The following SPATA17 variants were observed in gnomAD, a reference collection of about 807,000 sequenced individuals.
SPATA17 encodes the protein spermatogenesis associated 17.
Under a neutral mutation model 62.2 loss-of-function variants are expected in SPATA17, and 53 were observed. The ratio of observed to expected loss-of-function variants is 0.85; its 90% CI spans 0.68 to 1.07. SPATA17 has a LOEUF of 1.07. Among genes scored for constraint, SPATA17 ranks in the 50% least tolerant of loss-of-function variants. The probability of loss-of-function intolerance (pLI) is 0.00; values close to 1 mark genes in which losing one functional copy is unlikely to be tolerated. For synonymous variants in SPATA17, 146 were observed against 146.8 expected, an observed-to-expected ratio of 0.99 and a Z score of 0.04; for missense variants, 466 against 425.5, an observed-to-expected ratio of 1.10 and a Z score of -0.84.
chr1:217,772,897 A>G (rs1215209046), intron 6 of SPATA17, among the ~76,000 whole-genome samples: 1 of 152,198 alleles, frequency 6.6e-6, no homozygotes, highest in Non-Finnish European at 1.5e-5. Flanking sequence ...AGCATTTGGT[A>G]TAGGACACTG....
chr1:217,714,434 G>A (rs1571751986), intron 5 of SPATA17, among the ~76,000 whole-genome samples: 1 of 150,500 alleles, frequency 6.6e-6, no homozygotes, highest in Non-Finnish European at 1.5e-5. Flanking sequence ...TTTCTGAAAA[G>A]GAAAAAATTC....
At chr1:217,683,063 TA>T (rs200395526) in intron 4 of SPATA17, among the ~76,000 whole-genome samples, 194 bp from the exon 5 acceptor site, 6,696 of 150,194 alleles carry the variant, frequency 0.045, 227 homozygotes, top group Middle Eastern at 0.1. Flanking sequence ...TAATTATGTT[TA>T]TTTTTATAAT....
At chr1:217,741,403 G>A (rs920302135) in intron 5 of SPATA17, among the ~76,000 whole-genome samples, 3 of 151,834 alleles carry the variant, frequency 2.0e-5, no homozygotes, top group African/African-American at 4.8e-5. Context: ...GCTTTTATTC[G>A]AATTATCTGT....
chr1:217,717,593 A>G (rs551752310), intron 5 of SPATA17, among the ~76,000 whole-genome samples: 1 of 152,240 alleles, frequency 6.6e-6, no homozygotes, highest in East Asian at 1.9e-4. Context: ...TGGGTGACAG[A>G]GTGATACTCT....
At position 217,733,754 on chromosome 1, in the gene SPATA17, T is replaced by C. The variant is rs1367026165; in HGVS notation, c.396-8221T>C. 2.0e-5 allele frequency among the ~76,000 whole-genome samples: 3 copies of C among 152,348 alleles called. No homozygotes were observed. In the East Asian group the frequency reaches 5.8e-4, roughly 29 times the overall value. Reference sequence around the variant, plus strand: ...TTCTATACTGCAACAAAAGATTTTGTAACTAAACATTTTCCTTTCATTTTT... The same window carrying C: ...TTCTATACTGCAACAAAAGATTTTGCAACTAAACATTTTCCTTTCATTTTT... On this transcript the variant is annotated intron_variant, in intron 5 of 10. Transcript: ENST00000366933.
At chr1:217,650,077 T>A (rs1055088820) in intron 2 of SPATA17, among the ~76,000 whole-genome samples, 2 of 151,424 alleles carry the variant, frequency 1.3e-5, no homozygotes, top group East Asian at 3.9e-4. Context: ...GTAGCTGGGA[T>A]TACAGGCATG....
chr1:217,770,721 G>C (rs964017847), intron 6 of SPATA17, among the ~76,000 whole-genome samples: 1 of 152,010 alleles, frequency 6.6e-6, no homozygotes, highest in Non-Finnish European at 1.5e-5. Context: ...CAATTGTACC[G>C]TTTTAACACT....
intron 6 of SPATA17, among the ~76,000 whole-genome samples, chr1:217,768,958 G>A (rs1242826393): frequency 2.6e-5 from 4 of 152,026 alleles, no homozygotes; most frequent in South Asian, 2.1e-4. Flanking sequence ...TTCCACCCCC[G>A]CCACTGAGAA....
At chr1:217,749,977 C>CTATATATATA (rs1418795091) in intron 6 of SPATA17, among the ~76,000 whole-genome samples, 82 of 35,620 alleles carry the variant, frequency 2.3e-3, no homozygotes, top group African/African-American at 3.4e-3. Flanking sequence ...CTCTCTCTCT[C>CTATATATATA]TCTCTCTCTA....
At chr1:217,810,981 C>T (rs990954062) in intron 9 of SPATA17, among the ~76,000 whole-genome samples, 4 of 152,056 alleles carry the variant, frequency 2.6e-5, no homozygotes, top group African/African-American at 9.7e-5. Flanking sequence ...TACACAGAGC[C>T]AAACCATATC....
At position 217,631,394 on chromosome 1, in the gene SPATA17, C is replaced by A. The variant is rs1474949987; in HGVS notation, c.16C>A (p.Arg6=). The change falls in exon 1 of 11, where the codon CGG becomes AGG. Residue 6 remains arginine, a synonymous_variant. Transcript: ENST00000366933. MATLA[R]LQARSSTVGN... ...CCAAGAGACCATGGCCACGTTAGCC[C>A]GGCTGCAAGCTAGGTCGTCGACTGT... 2 of 1,614,000 alleles carry A rather than the reference C, an allele frequency of 1.2e-6. No individual in the cohort carries two copies. The highest frequency in any genetic ancestry group is 1.7e-6 in the Non-Finnish European group (2 of 1,180,022).
intron 10 of SPATA17, 43 bp downstream of exon 10, chr1:217,862,899 T>C: frequency 7.7e-7 from 1 of 1,301,162 alleles, no homozygotes; most frequent in Non-Finnish European, 1.1e-6. Context: ...GTATATTAAA[T>C]AACACTTAAA....
At chr1:217,741,902 G>A in intron 5 of SPATA17, 73 bp from the exon 6 acceptor site, 3 of 1,583,166 alleles carry the variant, frequency 1.9e-6, no homozygotes, top group Non-Finnish European at 1.7e-6. Context: ...CAAAAAAACT[G>A]ATTTATCATC....
At chr1:217,697,151 G>A (rs990004590) in intron 5 of SPATA17, among the ~76,000 whole-genome samples, 1 of 152,178 alleles carries the variant, frequency 6.6e-6, no homozygotes, top group African/African-American at 2.4e-5. Context: ...TGGGACCACA[G>A]GCATGTGCCA....
At chr1:217,681,455 C>T (rs1671082500) in intron 4 of SPATA17, among the ~76,000 whole-genome samples, 1 of 151,804 alleles carries the variant, frequency 6.6e-6, no homozygotes, top group South Asian at 2.1e-4. Flanking sequence ...CTCACTGCAA[C>T]CTCTGCCTCC....
chr1:217,725,534 C>G (rs966206373), intron 5 of SPATA17, among the ~76,000 whole-genome samples: 1 of 152,198 alleles, frequency 6.6e-6, no homozygotes, highest in Non-Finnish European at 1.5e-5. Flanking sequence ...AAGATCTCAG[C>G]TCACTGCAAC....
At chr1:217,840,729 T>G (rs1291106993) in intron 9 of SPATA17, among the ~76,000 whole-genome samples, 1 of 151,776 alleles carries the variant, frequency 6.6e-6, no homozygotes, top group Non-Finnish European at 1.5e-5. Flanking sequence ...TGTGGTGGGG[T>G]GCACCTGGAG....
At chr1:217,793,227 T>TG (rs1674047073) in intron 8 of SPATA17, among the ~76,000 whole-genome samples, 1 of 145,700 alleles carries the variant, frequency 6.9e-6, no homozygotes, top group South Asian at 2.2e-4. Context: ...TTTTGTTTTT[T>TG]TTTTTTTTTT....
At chr1:217,682,110 G>C (rs181722184) in intron 4 of SPATA17, among the ~76,000 whole-genome samples, 27 of 152,184 alleles carry the variant, frequency 1.8e-4, no homozygotes, top group Admixed American at 1.5e-3. Context: ...GACTAAGTTA[G>C]TATTTTTCAA....
Sources: allele counts gnomAD v4.1 joint callset (sites outside exome capture counted in the v4.1 genomes callset), GRCh38; gene constraint gnomAD v4.1.1; transcripts MANE v1.5; gene names NCBI Gene and HGNC (gene_info 2026-07-23, HGNC 2026-07-21).